The following EIF3H variants were observed in gnomAD, a reference collection of about 807,000 sequenced individuals.
EIF3H encodes the protein eukaryotic translation initiation factor 3 subunit H.
Under a neutral mutation model 44.2 loss-of-function variants are expected in EIF3H, and 26 were observed. That is an observed-to-expected ratio of 0.59 (90% CI 0.43 to 0.82). EIF3H has a LOEUF of 0.82. Among genes scored for constraint, EIF3H ranks in the 40% least tolerant of loss-of-function variants. The pLI is 0.00. For missense variants in EIF3H, 359 were observed against 432.8 expected (o/e 0.83, Z 1.51); for synonymous variants, 166 against 151.9 (o/e 1.09, Z -0.68).
intron 5 of EIF3H, among the ~76,000 whole-genome samples, chr8:116,650,954 A>C (rs1331602269): frequency 6.6e-6 from 1 of 152,216 alleles, no homozygotes; most frequent in African/African-American, 2.4e-5. Flanking sequence ...TAAAATATCC[A>C]GAATAGGCAA....
chr8:116,707,902 T>C (rs1274443733), intron 2 of EIF3H, among the ~76,000 whole-genome samples: 1 of 152,178 alleles, frequency 6.6e-6, no homozygotes, highest in Non-Finnish European at 1.5e-5. Context: ...TTTTCTATGC[T>C]CATAATACAT....
At chr8:116,705,109 A>G (rs1814444592) in intron 2 of EIF3H, among the ~76,000 whole-genome samples, 1 of 152,204 alleles carries the variant, frequency 6.6e-6, no homozygotes, top group Non-Finnish European at 1.5e-5. Flanking sequence ...CATCTAATTC[A>G]TACTCGGTCA....
At chr8:116,717,849 G>A (rs573638067) in intron 2 of EIF3H, among the ~76,000 whole-genome samples, 7 of 152,010 alleles carry the variant, frequency 4.6e-5, no homozygotes, top group East Asian at 1.9e-4. Flanking sequence ...CATATTTCAC[G>A]ACAAGAACCC....
rs754971614 is a variant in EIF3H, at chr8:116,655,915, C to G, written c.648G>C (p.Trp216Cys). The change falls in exon 5 of 8, where the codon TGG (tryptophan) becomes TGC (cysteine). Residue 216 changes from tryptophan to cysteine, a missense_variant. By Grantham distance (215) the Trp-to-Cys change is radical. Around this residue, in one of 5 missense-constraint regions of EIF3H, gnomAD observed 85 missense variants for 79.2 expected, o/e 1.07. Coordinates refer to ENST00000521861, the MANE Select transcript of EIF3H (RefSeq NM_003756.3). ...CAACAGCTGACTTCTTTTCAAGTTCCCACATTAGGACATTGATCAGATGTG... is the reference window on the plus strand; with the variant it reads ...CAACAGCTGACTTCTTTTCAAGTTCGCACATTAGGACATTGATCAGATGTG... ...KNSHLINVLM[W>C]ELEKKSAVAD... The G allele has an allele frequency of 5.6e-6, 9 of 1,613,632 alleles. No homozygotes were observed. In the South Asian group the frequency reaches 9.9e-5, roughly 18 times the overall value.
intron 2 of EIF3H, among the ~76,000 whole-genome samples, chr8:116,701,057 G>C (rs778204199): frequency 1.4e-4 from 21 of 152,084 alleles, no homozygotes; most frequent in Non-Finnish European, 2.6e-4. Context: ...TTAAATTTAG[G>C]AAAGAATATA....
At chr8:116,681,775 T>C (rs1813993562) in intron 2 of EIF3H, among the ~76,000 whole-genome samples, 1 of 152,160 alleles carries the variant, frequency 6.6e-6, no homozygotes, top group African/African-American at 2.4e-5. Context: ...GATAAACAAT[T>C]CTTTTCTAAA....
chr8:116,717,617 C>T (rs1586473837), intron 2 of EIF3H, among the ~76,000 whole-genome samples: 3 of 152,094 alleles, frequency 2.0e-5, no homozygotes, highest in South Asian at 2.1e-4. Context: ...TAACTGACTT[C>T]GACAAAGCCA....
intron 2 of EIF3H, among the ~76,000 whole-genome samples, chr8:116,676,979 G>A (rs1813859894): frequency 6.6e-6 from 1 of 152,044 alleles, no homozygotes. Context: ...TATGAATACT[G>A]TGATAGCTCT....
intron 2 of EIF3H, among the ~76,000 whole-genome samples, chr8:116,721,551 A>G (rs1814746922): frequency 6.6e-6 from 1 of 152,312 alleles, no homozygotes; most frequent in East Asian, 1.9e-4. Flanking sequence ...AACAGCTTGC[A>G]CCATGCACCT....
intron 2 of EIF3H, among the ~76,000 whole-genome samples, chr8:116,676,663 A>G (rs1649873284): frequency 6.6e-6 from 1 of 152,240 alleles, no homozygotes; most frequent in African/African-American, 2.4e-5. Context: ...CTGAATTAGT[A>G]TGACAGTATT....
At chr8:116,664,992 T>G (rs1813645195) in intron 2 of EIF3H, among the ~76,000 whole-genome samples, 1 of 152,186 alleles carries the variant, frequency 6.6e-6, no homozygotes, top group African/African-American at 2.4e-5. Flanking sequence ...AACTTTATAT[T>G]CCTCACAATA....
At chr8:116,756,384 G>T (rs923953556), upstream of EIF3H, among the ~76,000 whole-genome samples, 6 of 152,206 alleles carry the variant, frequency 3.9e-5, no homozygotes, top group Non-Finnish European at 7.3e-5. Context: ...CCTGAGTAAA[G>T]TACCAAAGAA....
chr8:116,726,275 C>A, intron 1 of EIF3H, 103 bp from the exon 2 acceptor site: 1 of 1,252,114 alleles, frequency 8.0e-7, no homozygotes, highest in East Asian at 2.5e-5. Context: ...TTTGCAAAAC[C>A]ACAAATTAAA....
chr8:116,712,064 A>T (rs1814580243), intron 2 of EIF3H, among the ~76,000 whole-genome samples: 1 of 152,230 alleles, frequency 6.6e-6, no homozygotes, highest in Non-Finnish European at 1.5e-5. Context: ...TGGAATCTAT[A>T]GTGACTTGAG....
chr8:116,755,790 G>C lies in EIF3H; in HGVS notation c.8C>G (p.Ser3Cys), dbSNP rs540738471. MA[S>C]RKEGTGSTAT... is the part of the protein sequence containing the mutation. Reference sequence around the variant, plus strand: ...AGTAGAGCCGGTACCTTCCTTGCGGGACGCCATCTTTCCAAGCAGACAGGA... The same window carrying C: ...AGTAGAGCCGGTACCTTCCTTGCGGCACGCCATCTTTCCAAGCAGACAGGA... Residue 3 changes from serine (S) to cysteine (C), a missense_variant, in exon 1 of 8, where the codon TCC (serine) becomes TGC (cysteine). Physicochemically the swap from Ser to Cys is moderately radical, Grantham distance 112 (BLOSUM62 -1). Around this residue, in one of 5 missense-constraint regions of EIF3H, gnomAD observed 59 missense variants for 33.5 expected, o/e 1.76. Transcript: ENST00000521861. 39 of 1,613,608 alleles carry C rather than the reference G, an allele frequency of 2.4e-5. No individual in the cohort carries two copies. In the East Asian group the frequency reaches 8.2e-4, roughly 34 times the overall value.
chr8:116,675,933 A>C (rs894447608), intron 2 of EIF3H, among the ~76,000 whole-genome samples: 2 of 152,252 alleles, frequency 1.3e-5, no homozygotes, highest in Non-Finnish European at 2.9e-5. Flanking sequence ...TGTAAAACGT[A>C]TATGAATAAG....
intron 2 of EIF3H, among the ~76,000 whole-genome samples, chr8:116,713,448 A>G (rs1250563129): frequency 6.6e-6 from 1 of 152,162 alleles, no homozygotes; most frequent in East Asian, 1.9e-4. Flanking sequence ...TCATTTTTAA[A>G]AAAGAAAAAG....
At chr8:116,762,070 A>G (rs1815524133) in intron 1 of EIF3H, among the ~76,000 whole-genome samples, 2 of 152,216 alleles carry the variant, frequency 1.3e-5, no homozygotes, top group African/African-American at 4.8e-5. Context: ...AAGACTTTCC[A>G]CCTTTTAGAG....
At chr8:116,751,026 A>G (rs1028287533) in intron 1 of EIF3H, among the ~76,000 whole-genome samples, 3 of 151,204 alleles carry the variant, frequency 2.0e-5, no homozygotes, top group Admixed American at 1.3e-4. Context: ...TCCCGGCTAA[A>G]ACGGTGAAAC....
Sources: allele counts gnomAD v4.1 joint callset (sites outside exome capture counted in the v4.1 genomes callset), GRCh38; gene constraint gnomAD v4.1.1; regional missense constraint gnomAD v4.1.1; transcripts MANE v1.5; gene names NCBI Gene and HGNC (gene_info 2026-07-23, HGNC 2026-07-21).